HEATR6: variants seen among roughly 807,000 people sequenced by gnomAD.
HEATR6 encodes the protein HEAT repeat-containing protein 6.
In HEATR6, 106 loss-of-function variants were observed where a neutral mutation model predicts 132.8. The ratio of observed to expected loss-of-function variants is 0.80; its 90% CI spans 0.68 to 0.94. The LOEUF is 0.94. HEATR6 is among the 40% of genes least tolerant of loss of function. The pLI, the probability that HEATR6 is intolerant of heterozygous loss-of-function variation, is 0.00. For missense variants in HEATR6, 1,339 were observed against 1,425.1 expected (o/e 0.94, Z 0.97); for synonymous variants, 529 against 537.8 (o/e 0.98, Z 0.23).
At position 60,067,621 on chromosome 17, in the gene HEATR6, C is replaced by T; in HGVS notation, c.1051G>A (p.Val351Met). Residue 351 changes from valine (V) to methionine (M), a missense_variant, in exon 8 of 20, where the codon GTG becomes ATG. Coordinates refer to ENST00000184956, the MANE Select transcript of HEATR6 (RefSeq NM_022070.5). ...CAAGTGTTCCCTTCATGCAGGTTCA[C>T]TCTGCCTGTGCCAGTGACTGGGGCT... is the stretch of plus-strand genomic sequence containing the variant. ...EAAPVTGTGR[V>M]NLHEGNTWCP... 1 of 1,612,810 alleles carries T rather than the reference C, an allele frequency of 6.2e-7. No individual in the cohort carries two copies. The highest frequency in any genetic ancestry group is 8.5e-7 in the Non-Finnish European group (1 of 1,179,464).
intron 8 of HEATR6, among the ~76,000 whole-genome samples, chr17:60,067,201 C>T (rs536797638): frequency 9.3e-5 from 13 of 140,484 alleles, no homozygotes; most frequent in Non-Finnish European, 1.5e-4. Context: ...ACCCGGGAGG[C>T]GGAGCTTGCA....
rs760295869 is a variant in HEATR6 at position 60,067,421 on chromosome 17, A to C, written c.1238+13T>G. 83 of 1,507,282 alleles carry C rather than the reference A, an allele frequency of 5.5e-5. No homozygotes were observed. Among genetic ancestry groups the C allele is most frequent in the Middle Eastern group, 1.8e-4 (1 of 5,630 alleles). The allele number at this position is 1,507,282 out of a possible 1,614,324, so 93.4% of individuals were successfully genotyped here. On this transcript the variant is annotated intron_variant, in intron 8 of 19. Transcript: ENST00000184956. The stretch of plus-strand genomic sequence containing the variant: ...AGAATACAAGGTATAAAAATGTAAC[A>C]AAATACTACTACCTCATTTTACTCT...
chr17:60,065,227 C>G (rs531003227), intron 9 of HEATR6, among the ~76,000 whole-genome samples: 43 of 151,952 alleles, frequency 2.8e-4, no homozygotes, highest in African/African-American at 1.0e-3. Flanking sequence ...CATTTTTTTG[C>G]GTGTATATAA....
rs759213665 is a variant in HEATR6, at chr17:60,060,139, G to A, written c.1417-43C>T. 22 of 1,330,614 alleles carry A rather than the reference G, an allele frequency of 1.7e-5. No homozygotes were observed. The East Asian group carries it at 4.4e-4, about 26-fold the overall frequency. The allele number at this position is 1,330,614 out of a possible 1,614,324, so 82.4% of individuals were successfully genotyped here. ...TTCACATTGATTAGTTGAAAATTAG[G>A]AGTCAGATTCCCTTCTTCCTATACA... On this transcript the variant is annotated intron_variant, in intron 9 of 19. Coordinates refer to ENST00000184956, the MANE Select transcript of HEATR6 (RefSeq NM_022070.5).
chr17:60,078,842 C>T lies in HEATR6; in HGVS notation c.73G>A (p.Glu25Lys). ...PREAPREAIP[E>K]RGNGFRLLSA... ...AAGAGGCGAAACCCATTGCCTCGCT[C>T]AGGGATTGCTTCCCGCGGTGCCTCC... The change falls in exon 1 of 20, where the codon GAG becomes AAG. Residue 25 changes from glutamate (E) to lysine (K), a missense_variant. Transcript: ENST00000184956. The T allele has an allele frequency of 6.3e-7, 1 of 1,595,464 alleles. No homozygotes were observed. The highest frequency in any genetic ancestry group is 1.1e-5 in the South Asian group (1 of 89,806).
In HEATR6 at chr17:60,043,234, A is replaced by C; in HGVS notation, c.*329T>G. The C allele has an allele frequency of 3.4e-6, 1 of 292,300 alleles. No homozygotes were observed. The highest frequency in any genetic ancestry group is 6.5e-6 in the Non-Finnish European group (1 of 154,326). 18.1% of individuals were successfully genotyped at this position (292,300 alleles called of 1,614,324 possible). A position where few individuals can be genotyped will look rare whatever the true frequency, so the allele number is the denominator to read the frequency against. ...TATTACAAAACTACAGATACAATAC[A>C]CAAAATTCTAATTCCGAAATCCTTC... On this transcript the variant is annotated 3_prime_UTR_variant, in exon 20 of 20. Coordinates refer to ENST00000184956, the MANE Select transcript of HEATR6 (RefSeq NM_022070.5).
At chr17:60,076,635 T>C (rs191141852) in intron 1 of HEATR6, 199 of 161,022 alleles carry the variant, frequency 1.2e-3, no homozygotes, top group Non-Finnish European at 2.1e-3. Context: ...CCCAGGAGTT[T>C]TAGGTCACAG....
intron 14 of HEATR6, among the ~76,000 whole-genome samples, chr17:60,053,582 C>T (rs1290204638): frequency 6.6e-6 from 1 of 152,030 alleles, no homozygotes; most frequent in Admixed American, 6.5e-5. Context: ...TGGTTGTGAC[C>T]GAAATGCTGA....
chr17:60,075,900 G>T, intron 2 of HEATR6: 6 of 298,310 alleles, frequency 2.0e-5, no homozygotes, highest in East Asian at 6.0e-5. Context: ...TTGGTTTACT[G>T]AACCAAACAG....
intron 6 of HEATR6, 138 bp from the exon 7 acceptor site, chr17:60,069,986 G>GGCTTTT: frequency 9.7e-7 from 1 of 1,033,656 alleles, no homozygotes; most frequent in Non-Finnish European, 1.4e-6. Context: ...AGCCTACTAA[G>GGCTTTT]GAAATATAAA....
chr17:60,063,360 T>G (rs147721957), intron 9 of HEATR6: 20 of 152,354 alleles, frequency 1.3e-4, no homozygotes, highest in Admixed American at 9.1e-4. Context: ...AGACAAGTCT[T>G]GATGATATTC....
At chr17:60,055,136 C>T (rs1906702542) in intron 14 of HEATR6, among the ~76,000 whole-genome samples, 1 of 152,134 alleles carries the variant, frequency 6.6e-6, no homozygotes, top group Admixed American at 6.5e-5. Flanking sequence ...CCTGCTCCCC[C>T]TTTGCCTTCC....
In HEATR6 at chr17:60,043,405, G is replaced by A; in HGVS notation, c.*158C>T. The A allele has an allele frequency of 1.5e-6, 1 of 654,870 alleles. No individual in the cohort carries two copies. Among genetic ancestry groups the A allele is most frequent in the South Asian group, 2.0e-5 (1 of 51,158 alleles). The allele number at this position is 654,870 out of a possible 1,614,324, so 40.6% of individuals were successfully genotyped here. On this transcript the variant is annotated 3_prime_UTR_variant, in exon 20 of 20. Coordinates refer to ENST00000184956, the MANE Select transcript of HEATR6 (RefSeq NM_022070.5). ...AGTGCTATGGAGTCACTCCAAAGGT[G>A]GTTGAGCCCTCTGTGAAAATTTAAA...
chr17:60,066,343 G>T lies in HEATR6; in HGVS notation c.1282C>A (p.Leu428Ile). The change falls in exon 9 of 20, where the codon CTT becomes ATT. Residue 428 changes from leucine to isoleucine, a missense_variant. Transcript: ENST00000184956. ...KVRQGALVCF[L>I]STIKSIEKKV... ...TTTTCTATCGATTTTATAGTAGAAA[G>T]AAAACAAACTAAGGCTCCTTGGCGA... The T allele has an allele frequency of 1.2e-6, 2 of 1,613,130 alleles. No individual in the cohort carries two copies. Among genetic ancestry groups the T allele is most frequent in the Non-Finnish European group, 1.7e-6 (2 of 1,179,684 alleles).
At chr17:60,069,871 C>G in intron 6 of HEATR6, 23 bp from the exon 7 acceptor site, 4 of 1,603,954 alleles carry the variant, frequency 2.5e-6, no homozygotes, top group Non-Finnish European at 3.4e-6. Context: ...AATAAGGACA[C>G]ACACACACAC....
At chr17:60,071,246 T>C (rs1208690401) in intron 5 of HEATR6, among the ~76,000 whole-genome samples, 2 of 152,186 alleles carry the variant, frequency 1.3e-5, no homozygotes, top group Non-Finnish European at 2.9e-5. Context: ...TGGAGGGCAA[T>C]TCTGACCAAG....
intron 14 of HEATR6, among the ~76,000 whole-genome samples, chr17:60,054,692 T>C (rs958125915): frequency 6.6e-6 from 1 of 152,272 alleles, no homozygotes; most frequent in Admixed American, 6.5e-5. Context: ...CCAATGCCTG[T>C]ACCACCATTG....
rs1233274242 is a variant in HEATR6, at chr17:60,070,778, C to A, written c.729G>T (p.Gln243His). 6 of 1,605,462 alleles carry A rather than the reference C, an allele frequency of 3.7e-6. No homozygotes were observed. The South Asian group carries it at 6.6e-5, about 18-fold the overall frequency. ...TCATTCTCCCACCATTTAGAAGTGA[C>A]TGTATACCTTTTAATGCATTTTGCA... is the stretch of plus-strand genomic sequence containing the variant. Reference protein sequence around the residue: ...MLLQNALKGIQSLLNGGRMKL... With the variant: ...MLLQNALKGIHSLLNGGRMKL... The change falls in exon 6 of 20, where the codon CAG becomes CAT. Residue 243 changes from glutamine to histidine, a missense_variant. By Grantham distance (24) the Gln-to-His change is conservative (BLOSUM62 0). Coordinates refer to ENST00000184956, the MANE Select transcript of HEATR6 (RefSeq NM_022070.5).
chr17:60,071,377 A>G (rs752537011), intron 5 of HEATR6, among the ~76,000 whole-genome samples: 40 of 152,184 alleles, frequency 2.6e-4, no homozygotes, highest in Non-Finnish European at 4.7e-4. Flanking sequence ...AAAAACTTCA[A>G]TTTTGATGAT....
Sources: gnomAD v4.1 joint callset for allele counts (sites outside exome capture counted in the v4.1 genomes callset) on GRCh38, gnomAD v4.1.1 for gene constraint, MANE v1.5 for transcripts, NCBI Gene and HGNC (gene_info 2026-07-23, HGNC 2026-07-21) for gene names.